ZFP90: variants seen among roughly 807,000 people sequenced by gnomAD.
ZFP90 encodes the protein ZFP90 zinc finger protein.
A neutral mutation model predicts 60.8 loss-of-function variants in ZFP90; 38 were observed. The observed-to-expected ratio is 0.62, with a 90% CI of 0.48 to 0.82. The LOEUF is 0.82. Ranked by LOEUF, ZFP90 falls within the 40% of genes least tolerant of loss-of-function variation. The probability of loss-of-function intolerance (pLI) is 0.00; values close to 1 mark genes in which losing one functional copy is unlikely to be tolerated. For synonymous variants in ZFP90, 287 were observed against 264.8 expected, an observed-to-expected ratio of 1.08 and a Z score of -0.82; for missense variants, 711 against 759.1, an observed-to-expected ratio of 0.94 and a Z score of 0.74.
intron 2 of ZFP90, among the ~76,000 whole-genome samples, chr16:68,572,469 C>T (rs565653486): frequency 1.3e-5 from 2 of 152,286 alleles, no homozygotes; most frequent in Non-Finnish European, 2.9e-5. Flanking sequence ...TCACATTCCT[C>T]TGCTTTCTAA....
chr16:68,571,774 T>TA (rs564524447), downstream of ZFP90, among the ~76,000 whole-genome samples: 95 of 150,474 alleles, frequency 6.3e-4, 1 homozygote, highest in East Asian at 0.017. Context: ...CAAAAATAAA[T>TA]AATTTTTAGG....
At chr16:68,558,287 C>A in intron 3 of ZFP90, 163 bp downstream of exon 3, 1 of 1,239,880 alleles carries the variant, frequency 8.1e-7, no homozygotes, top group Non-Finnish European at 1.2e-6. Flanking sequence ...TGAGCCTGCT[C>A]TTTAGGTAAA....
intron 2 of ZFP90, among the ~76,000 whole-genome samples, chr16:68,556,570 G>A (rs898366737): frequency 1.3e-5 from 2 of 152,154 alleles, no homozygotes; most frequent in Non-Finnish European, 1.5e-5. Context: ...ACTAGGTGCC[G>A]GGCGTTGTTC....
chr16:68,544,863 CCTTTTTTTTTTTTTTT>C (rs2091117408), intron 2 of ZFP90, among the ~76,000 whole-genome samples: 2 of 121,502 alleles, frequency 1.6e-5, no homozygotes, highest in African/African-American at 6.2e-5. Flanking sequence ...CCTGTGAACA[CCTTTTTTTTTTTTTTT>C]TTTTTTTTTT....
At chr16:68,550,127 GTAA>G (rs1161618328) in intron 2 of ZFP90, among the ~76,000 whole-genome samples, 1 of 152,062 alleles carries the variant, frequency 6.6e-6, no homozygotes, top group African/African-American at 2.4e-5. Context: ...ATTAATTTTA[GTAA>G]TAAATATTAT....
chr16:68,551,907 C>T (rs1187498107), intron 2 of ZFP90, among the ~76,000 whole-genome samples: 2 of 152,002 alleles, frequency 1.3e-5, no homozygotes, highest in Non-Finnish European at 2.9e-5. Flanking sequence ...TACAGGCGCT[C>T]GCCACCGTGC....
rs1213617297 is a variant in ZFP90, at chr16:68,564,443, C to G, written c.1656C>G (p.Pro552=). Residue 552 remains proline (P), a synonymous_variant, in exon 5 of 5, where the codon CCC becomes CCG. Coordinates refer to ENST00000563169, the MANE Select transcript of ZFP90 (RefSeq NM_001305203.2). ...QHERTHTGEK[P]YECIDCGKAF... ...AGAGAACCCACACTGGAGAGAAACC[C>G]TATGAATGTATTGACTGTGGGAAAG... The G allele has an allele frequency of 3.7e-6, 6 of 1,613,908 alleles. No homozygotes were observed. The African/African-American group carries it at 8.0e-5, about 22-fold the overall frequency.
upstream of ZFP90, among the ~76,000 whole-genome samples, chr16:68,536,870 T>A (rs1431932636): frequency 1.3e-5 from 2 of 152,194 alleles, no homozygotes; most frequent in Non-Finnish European, 2.9e-5. Context: ...CTGCTGTTAC[T>A]AAGCCAATGG....
chr16:68,543,494 T>G (rs896195651), intron 2 of ZFP90, among the ~76,000 whole-genome samples: 20 of 152,090 alleles, frequency 1.3e-4, no homozygotes, highest in Non-Finnish European at 2.5e-4. Flanking sequence ...TACGTAGATA[T>G]AGCTGTGTAT....
At chr16:68,570,387 C>T (rs544229620), downstream of ZFP90, among the ~76,000 whole-genome samples, 23 of 152,372 alleles carry the variant, frequency 1.5e-4, no homozygotes, top group African/African-American at 5.3e-4. Context: ...TCCTGTGAAG[C>T]ACATCCAACT....
chr16:68,573,454 G>A (rs2152079198), intron 2 of ZFP90, among the ~76,000 whole-genome samples: 1 of 152,276 alleles, frequency 6.6e-6, no homozygotes, highest in South Asian at 2.1e-4. Flanking sequence ...CCCCAGCCTG[G>A]GTGACACAGC....
intron 2 of ZFP90, among the ~76,000 whole-genome samples, chr16:68,557,736 G>T (rs985115389): frequency 6.6e-6 from 1 of 150,654 alleles, no homozygotes. Context: ...GTATAAAAAG[G>T]CTTGGCTTTG....
At chr16:68,546,036 G>T (rs555658401) in intron 2 of ZFP90, among the ~76,000 whole-genome samples, 233 of 152,080 alleles carry the variant, frequency 1.5e-3, no homozygotes, top group African/African-American at 5.4e-3. Flanking sequence ...TTAGCCAGGT[G>T]TGGAGGCACA....
rs202183485 is a variant in ZFP90, at chr16:68,564,094, C to G, written c.1307C>G (p.Ser436Cys). ...NYSIDFKHST[S>C]LTQDESTLTE... ...AGCATAGATTTCAAGCACAGCACAT[C>G]TCTCACTCAAGATGAAAGCACTCTT... is the stretch of plus-strand genomic sequence containing the variant. Residue 436 changes from serine (S) to cysteine (C), a missense_variant, in exon 5 of 5, where the codon TCT (serine) becomes TGT (cysteine). This residue lies in a region of ZFP90 where 295 missense variants were observed against 274.0 expected (regional missense o/e 1.08). Transcript: ENST00000563169. The G allele has an allele frequency of 2.8e-5, 45 of 1,614,168 alleles. No individual in the cohort carries two copies. The African/African-American group carries it at 4.5e-4, about 16-fold the overall frequency.
intron 2 of ZFP90, among the ~76,000 whole-genome samples, chr16:68,543,345 A>G (rs2091086875): frequency 1.3e-5 from 2 of 152,156 alleles, no homozygotes; most frequent in South Asian, 2.1e-4. Context: ...ATATTTGATA[A>G]TAGTTCCTTT....
At chr16:68,555,535 CAG>C (rs1374585140) in intron 2 of ZFP90, among the ~76,000 whole-genome samples, 2 of 152,176 alleles carry the variant, frequency 1.3e-5, no homozygotes, top group Admixed American at 6.5e-5. Flanking sequence ...ATTCAGGAAA[CAG>C]AGATATAGTG....
Position 68,564,893 on chromosome 16 carries a change from G to GT in ZFP90, c.*196dup. ...TTCTCAGATCTGATTACAGACTAGT[G>GT]TAAAAACAGCTACATGTATGTAGCT... On this transcript the variant is annotated 3_prime_UTR_variant, in exon 5 of 5. Transcript: ENST00000563169. 1 of 1,347,460 alleles carries GT rather than the reference G, an allele frequency of 7.4e-7. No homozygotes were observed. The highest frequency in any genetic ancestry group is 2.1e-5 in the South Asian group (1 of 48,738). 83.5% of individuals were successfully genotyped at this position (1,347,460 alleles called of 1,614,324 possible).
At chr16:68,556,651 A>G (rs926417597) in intron 2 of ZFP90, among the ~76,000 whole-genome samples, 4 of 152,206 alleles carry the variant, frequency 2.6e-5, no homozygotes, top group Non-Finnish European at 4.4e-5. Context: ...AGAGACAGAC[A>G]ATAGGGTAAC....
chr16:68,538,389 G>T (rs1728764), upstream of ZFP90, among the ~76,000 whole-genome samples: 1 of 152,040 alleles, frequency 6.6e-6, no homozygotes, highest in Non-Finnish European at 1.5e-5. Context: ...TTACATAAAC[G>T]TAATAGCTGT....
Sources: gnomAD v4.1 joint callset for allele counts (sites outside exome capture counted in the v4.1 genomes callset) on GRCh38, gnomAD v4.1.1 for gene constraint, gnomAD v4.1.1 regional missense constraint, MANE v1.5 for transcripts, NCBI Gene and HGNC (gene_info 2026-07-23, HGNC 2026-07-21) for gene names.